RBM28: variants seen among roughly 807,000 people sequenced by gnomAD.
RBM28 encodes RNA binding motif protein 28.
Under a neutral mutation model 98.3 loss-of-function variants are expected in RBM28, and 78 were observed. The observed-to-expected ratio is 0.79, with a 90% CI of 0.66 to 0.96. The LOEUF is 0.96. RBM28 is among the 40% of genes least tolerant of loss of function. The pLI, the probability that RBM28 is intolerant of heterozygous loss-of-function variation, is 0.00. For synonymous variants in RBM28, 306 were observed against 330.9 expected, an observed-to-expected ratio of 0.92 and a Z score of 0.82; for missense variants, 838 against 913.0, an observed-to-expected ratio of 0.92 and a Z score of 1.06.
chr7:128,341,863 T>C (rs1418500746), intron 1 of RBM28, among the ~76,000 whole-genome samples: 4 of 152,232 alleles, frequency 2.6e-5, no homozygotes, highest in East Asian at 3.9e-4. Context: ...CGTACTCCTA[T>C]ACTATTTAAT....
intron 9 of RBM28, among the ~76,000 whole-genome samples, chr7:128,332,975 TCCAGCACTC>T (rs1796513055): frequency 6.6e-6 from 1 of 152,204 alleles, no homozygotes; most frequent in Non-Finnish European, 1.5e-5. Context: ...GTCAATCCTC[TCCAGCACTC>T]CCCCTAAAAC....
intron 14 of RBM28, 56 bp from the exon 15 acceptor site, chr7:128,318,162 C>T: frequency 6.6e-7 from 1 of 1,513,034 alleles, no homozygotes; most frequent in Non-Finnish European, 9.1e-7. Context: ...ACTTGCCTGA[C>T]ATGAACTGCT....
chr7:128,317,602 T>C (rs913209052), intron 16 of RBM28, 57 bp downstream of exon 16: 10 of 1,344,692 alleles, frequency 7.4e-6, no homozygotes, highest in Admixed American at 1.7e-5. Context: ...GAAGCACAAA[T>C]TGAACAAAAT....
rs1258144798 is a variant in RBM28, at chr7:128,308,070, C to T, written c.*2727G>A. 2 of 152,168 alleles carry T rather than the reference C, an allele frequency of 1.3e-5. No individual in the cohort carries two copies. The highest frequency in any genetic ancestry group is 2.9e-5 in the Non-Finnish European group (2 of 68,022). The allele number at this position is 152,168 out of a possible 1,614,324, so 9.4% of individuals were successfully genotyped here. ...GCACAACTCTCACTGCACTAAAATTCCCAAGGCAAGGAGTCAATGGAGCTG... is the reference window on the plus strand; with the variant it reads ...GCACAACTCTCACTGCACTAAAATTTCCAAGGCAAGGAGTCAATGGAGCTG... On this transcript the variant is annotated 3_prime_UTR_variant, in exon 19 of 19. Transcript: ENST00000223073.
chr7:128,315,826 G>A (rs1192851431), intron 16 of RBM28, among the ~76,000 whole-genome samples: 16 of 152,218 alleles, frequency 1.1e-4, no homozygotes, highest in Admixed American at 9.8e-4. Flanking sequence ...CAGTAGACCT[G>A]TCTGCAAGAA....
intron 10 of RBM28, among the ~76,000 whole-genome samples, chr7:128,329,638 C>A (rs933979965): frequency 6.6e-6 from 1 of 152,122 alleles, no homozygotes; most frequent in African/African-American, 2.4e-5. Flanking sequence ...GTAATCCCAG[C>A]ACTTTGGGAG....
intron 1 of RBM28, among the ~76,000 whole-genome samples, chr7:128,343,167 T>C (rs1668081340): frequency 6.6e-6 from 1 of 152,184 alleles, no homozygotes; most frequent in South Asian, 2.1e-4. Context: ...TATTAAGTAT[T>C]TGCTGAATAA....
intron 8 of RBM28, among the ~76,000 whole-genome samples, chr7:128,333,650 G>A (rs1272706906): frequency 6.6e-6 from 1 of 152,106 alleles, no homozygotes; most frequent in African/African-American, 2.4e-5. Context: ...CCTGGGAGGT[G>A]GAGGTTGCAG....
Position 128,314,770 on chromosome 7 carries a change from T to C in RBM28, c.2039A>G (p.Lys680Arg). ...VLALPSHRGP[K>R]IRLRDKGKVK... ...CTGCCCTCCTGCATCTCACCTGATT[T>C]TGGGGCCTCGGTGTGAGGGGAGCGC... Residue 680 changes from lysine to arginine, a missense_variant, in exon 17 of 19, where the codon AAA (lysine) becomes AGA (arginine). By Grantham distance (26) the Lys-to-Arg change is conservative. Transcript: ENST00000223073. 1 of 1,614,234 alleles carries C rather than the reference T, an allele frequency of 6.2e-7. No individual in the cohort carries two copies. The highest frequency in any genetic ancestry group is 8.5e-7 in the Non-Finnish European group (1 of 1,180,046).
chr7:128,337,527 A>G (rs906324069), intron 5 of RBM28, among the ~76,000 whole-genome samples: 5 of 149,986 alleles, frequency 3.3e-5, no homozygotes, highest in African/African-American at 1.2e-4. Flanking sequence ...TCTGCACCCT[A>G]CCTGGAAGCT....
Position 128,339,622 on chromosome 7 carries a change from T to C in RBM28, c.277+11A>G. On this transcript the variant is annotated intron_variant, in intron 2 of 18. Coordinates refer to ENST00000223073, the MANE Select transcript of RBM28 (RefSeq NM_018077.3). The stretch of plus-strand genomic sequence containing the variant: ...TGGGAGAAAAACTTCCTTCAATTAC[T>C]AGAAACTCACCATTTTTCCCCTTTT... The C allele has an allele frequency of 1.2e-6, 2 of 1,613,520 alleles. No individual in the cohort carries two copies. Among genetic ancestry groups the C allele is most frequent in the South Asian group, 2.2e-5 (2 of 91,068 alleles).
At chr7:128,343,637 A>G in intron 1 of RBM28, 39 bp downstream of exon 1, 1 of 1,489,614 alleles carries the variant, frequency 6.7e-7, no homozygotes. Context: ...CCTCGATCGC[A>G]GGAAACCCCA....
At chr7:128,314,195 C>T (rs1232872198) in intron 17 of RBM28, among the ~76,000 whole-genome samples, 2 of 152,264 alleles carry the variant, frequency 1.3e-5, no homozygotes, top group East Asian at 3.9e-4. Flanking sequence ...ATCTCCTGAC[C>T]TCGTGATCCA....
chr7:128,310,838 C>T lies in RBM28; in HGVS notation c.2239G>A (p.Gly747Arg). ...YKQKLLGPSKGAPLAKRSKWF... is the reference protein window; with the variant it reads ...YKQKLLGPSKRAPLAKRSKWF... ...TTGCTCCTCTTTGCAAGAGGTGCTC[C>T]TTTAGAAGGTCCCAATAATTTCTGC... is the stretch of plus-strand genomic sequence containing the variant. The change falls in exon 19 of 19, where the codon GGA becomes AGA. Residue 747 changes from glycine (G) to arginine (R), a missense_variant. Transcript: ENST00000223073. The T allele has an allele frequency of 6.2e-7, 1 of 1,614,134 alleles. No individual in the cohort carries two copies. The highest frequency in any genetic ancestry group is 8.5e-7 in the Non-Finnish European group (1 of 1,180,002).
intron 13 of RBM28, among the ~76,000 whole-genome samples, chr7:128,323,308 G>A (rs1796276092): frequency 6.6e-6 from 1 of 152,170 alleles, no homozygotes; most frequent in African/African-American, 2.4e-5. Flanking sequence ...CAAATAATAA[G>A]ACACAGTTCT....
At chr7:128,330,654 G>A (rs1796460314) in intron 10 of RBM28, among the ~76,000 whole-genome samples, 165 bp downstream of exon 10, 1 of 152,156 alleles carries the variant, frequency 6.6e-6, no homozygotes, top group Admixed American at 6.5e-5. Context: ...TTACAGGCGT[G>A]AGCCAGCGTG....
At position 128,305,789 on chromosome 7, in the gene RBM28, GC is replaced by G. The variant is rs1795855436; in HGVS notation, c.*5007del. On this transcript the variant is annotated 3_prime_UTR_variant, in exon 19 of 19. Transcript: ENST00000223073. ...TAAGGGGAGTTGCTAGTGGACCAAG[GC>G]CCAGACCACAATGCAGGGGAGAGGG... 2 of 152,232 alleles carry G rather than the reference GC, an allele frequency of 1.3e-5. No individual in the cohort carries two copies. Among genetic ancestry groups the G allele is most frequent in the South Asian group, 4.1e-4 (2 of 4,832 alleles). 9.4% of individuals were successfully genotyped at this position (152,232 alleles called of 1,614,324 possible). A position where few individuals can be genotyped will look rare whatever the true frequency, so the allele number is the denominator to read the frequency against.
chr7:128,317,888 A>G (rs1796139042), intron 15 of RBM28, 69 bp downstream of exon 15: 5 of 1,589,132 alleles, frequency 3.1e-6, no homozygotes. Flanking sequence ...GACACTAGGC[A>G]TAAAGGAGAA....
Position 128,310,542 on chromosome 7 carries a change from A to G in RBM28, c.*255T>C, listed in dbSNP as rs1795957903. ...AAAATTGGTAATAATTATAGACACA[A>G]CTTCATACAATAATCTGGATAATAT... On this transcript the variant is annotated 3_prime_UTR_variant, in exon 19 of 19. Transcript: ENST00000223073. 5 of 521,070 alleles carry G rather than the reference A, an allele frequency of 9.6e-6. No individual in the cohort carries two copies. Among genetic ancestry groups the G allele is most frequent in the African/African-American group, 1.9e-5 (1 of 52,692 alleles). The allele number at this position is 521,070 out of a possible 1,614,324, so 32.3% of individuals were successfully genotyped here. A position where few individuals can be genotyped will look rare whatever the true frequency, so the allele number is the denominator to read the frequency against.
Sources: allele counts gnomAD v4.1 joint callset (sites outside exome capture counted in the v4.1 genomes callset), GRCh38; gene constraint gnomAD v4.1.1; transcripts MANE v1.5; gene names NCBI Gene and HGNC (gene_info 2026-07-23, HGNC 2026-07-21).